Variants in MVD observed in about 807,000 individuals in gnomAD.
The protein encoded by MVD is mevalonate diphosphate decarboxylase, also known as diphosphomevalonate decarboxylase.
Under a neutral mutation model 42.4 loss-of-function variants are expected in MVD, and 52 were observed. The ratio of observed to expected loss-of-function variants is 1.23; its 90% CI spans 0.98 to 1.55. The LOEUF is 1.55. Ranked by LOEUF, MVD falls within the 40% of genes most tolerant of loss-of-function variation. The probability of loss-of-function intolerance (pLI) is 0.00; values close to 1 mark genes in which losing one functional copy is unlikely to be tolerated. For synonymous variants in MVD, 287 were observed against 243.2 expected (o/e 1.18, Z -1.68); for missense variants, 663 against 572.1 (o/e 1.16, Z -1.62).
intron 8 of MVD, 24 bp from the exon 9 acceptor site, chr16:88,653,432 G>T: frequency 6.4e-7 from 1 of 1,573,482 alleles, no homozygotes; most frequent in Non-Finnish European, 8.7e-7. Flanking sequence ...GCAGGGGCAC[G>T]GTGAATGCAT....
rs1299417665 is a variant in MVD at position 88,656,261 on chromosome 16, T to C, written c.447A>G (p.Ser149=). ...ARVYGVESDL[S]EVARRGSGSA... is the part of the protein sequence containing the mutation. ...TGCCTGAGCCCCGGCGAGCCACTTC[T>C]GAGAGGTCACTCTCCACGCCGTAGA... The change falls in exon 5 of 10, where the codon TCA becomes TCG. Residue 149 remains serine (S), a synonymous_variant. Transcript: ENST00000301012. 3 of 1,600,148 alleles carry C rather than the reference T, an allele frequency of 1.9e-6. No individual in the cohort carries two copies. In the Admixed American group the frequency reaches 5.0e-5, roughly 27 times the overall value.
intron 4 of MVD, chr16:88,657,109 T>A (rs1434430769): frequency 2.1e-6 from 1 of 478,090 alleles, no homozygotes; most frequent in Non-Finnish European, 3.8e-6. Flanking sequence ...AACGGGAAGA[T>A]TTTTTTATTT....
intron 5 of MVD, 123 bp downstream of exon 5, chr16:88,655,982 C>G: frequency 1.5e-6 from 2 of 1,336,764 alleles, no homozygotes; most frequent in Non-Finnish European, 2.0e-6. Context: ...GTTCCTTCAG[C>G]CCCCGCTGAC....
At position 88,658,819 on chromosome 16, in the gene MVD, C is replaced by T. The variant is rs548342516; in HGVS notation, c.71-99G>A. 55 of 850,544 alleles carry T rather than the reference C, an allele frequency of 6.5e-5. No individual in the cohort carries two copies. The East Asian group carries it at 1.4e-3, about 22-fold the overall frequency. 52.7% of individuals were successfully genotyped at this position (850,544 alleles called of 1,614,324 possible). A position where few individuals can be genotyped will look rare whatever the true frequency, so the allele number is the denominator to read the frequency against. On this transcript the variant is annotated intron_variant, in intron 1 of 9. Transcript: ENST00000301012. Reference sequence around the variant, plus strand: ...CCACCCCCCACCCACGGCCCCCATCCGCCTCAGTCCCGTCTCTCACCGCAC... The same window carrying T: ...CCACCCCCCACCCACGGCCCCCATCTGCCTCAGTCCCGTCTCTCACCGCAC...
chr16:88,662,813 G>C lies in MVD; in HGVS notation c.70+198C>G, dbSNP rs753335631. 13 of 1,469,468 alleles carry C rather than the reference G, an allele frequency of 8.8e-6. No homozygotes were observed. In the South Asian group the frequency reaches 1.3e-4, roughly 15 times the overall value. 91.0% of individuals were successfully genotyped at this position (1,469,468 alleles called of 1,614,324 possible). A position where few individuals can be genotyped will look rare whatever the true frequency, so the allele number is the denominator to read the frequency against. On this transcript the variant is annotated intron_variant, in intron 1 of 9. Coordinates refer to ENST00000301012, the MANE Select transcript of MVD (RefSeq NM_002461.3). The stretch of plus-strand genomic sequence containing the variant: ...GGGCGGCAGCCGTCGCGGGGGAACG[G>C]GTGGCGCCGAGCTTGTCACGCGAAG...
intron 3 of MVD, 120 bp downstream of exon 3, chr16:88,657,795 G>C: frequency 7.8e-7 from 1 of 1,288,166 alleles, no homozygotes; most frequent in South Asian, 1.3e-5. Flanking sequence ...CAGCGGGCAT[G>C]TCTGGTTCCC....
At chr16:88,658,363 A>G (rs1908075902) in intron 2 of MVD, among the ~76,000 whole-genome samples, 1 of 152,230 alleles carries the variant, frequency 6.6e-6, no homozygotes, top group African/African-American at 2.4e-5. Context: ...GAGATGGAAC[A>G]GACACTGCGT....
In MVD at chr16:88,658,712, G is replaced by T. The variant is rs200509037; in HGVS notation, c.79C>A (p.Arg27Ser). Residue 27 changes from arginine (R) to serine (S), a missense_variant, in exon 2 of 10, where the codon CGC (arginine) becomes AGC (serine). Physicochemically the swap from Arg to Ser is moderately radical, Grantham distance 110 (BLOSUM62 -1). Transcript: ENST00000301012. ...ATGGGCAGAACCAGCTCTTCATCGC[G>T]CTTGCCCCCTGTAATGAACAGCCAG... is the stretch of plus-strand genomic sequence containing the variant. ...NIAVIKYWGK[R>S]DEELVLPINS... 23 of 1,611,972 alleles carry T rather than the reference G, an allele frequency of 1.4e-5. No homozygotes were observed. Among genetic ancestry groups the T allele is most frequent in the Non-Finnish European group, 1.8e-5 (21 of 1,179,244 alleles).
rs1292198592 is a variant in MVD at position 88,656,305 on chromosome 16, C to T, written c.404-1G>A. 1 of 1,599,178 alleles carries T rather than the reference C, an allele frequency of 6.3e-7. No homozygotes were observed. The highest frequency in any genetic ancestry group is 8.5e-7 in the Non-Finnish European group (1 of 1,179,904). On this transcript the variant is annotated splice_acceptor_variant, in intron 4 of 9. Transcript: ENST00000301012. LOFTEE classifies it high-confidence loss of function. ...CCGTAGACACGGGCCAGGGTGTAGG[C>T]TGCAGGCATGCGGATTCAGGGAGGG...
At chr16:88,657,130 T>TGGGG in intron 4 of MVD, 1 of 460,342 alleles carries the variant, frequency 2.2e-6, no homozygotes, top group Non-Finnish European at 4.1e-6. Flanking sequence ...TTTGTAGAGA[T>TGGGG]GGGGGGGGGT....
chr16:88,655,998 G>A (rs1489050684), intron 5 of MVD, 107 bp downstream of exon 5: 4 of 1,430,696 alleles, frequency 2.8e-6, no homozygotes, highest in Non-Finnish European at 2.8e-6. Flanking sequence ...CTGACCCCAG[G>A]AGCCAAGCAA....
At chr16:88,659,986 AAAAAAG>A (rs928995057) in intron 1 of MVD, among the ~76,000 whole-genome samples, 8 of 151,758 alleles carry the variant, frequency 5.3e-5, no homozygotes, top group African/African-American at 1.5e-4. Flanking sequence ...CAAAAAAAAA[AAAAAAG>A]AAAAGAAAAA....
In MVD at chr16:88,655,265, G is replaced by T. The variant is rs746283663; in HGVS notation, c.831C>A (p.Leu277=). The T allele has an allele frequency of 3.1e-6, 5 of 1,590,510 alleles. No individual in the cohort carries two copies. In the South Asian group the frequency reaches 5.7e-5, roughly 18 times the overall value. The part of the protein sequence containing the change: ...CLDTFPPISY[L]NAISWRIIHL... The stretch of plus-strand genomic sequence containing the variant: ...GGATGATGCGCCAGGAGATGGCATT[G>T]AGGTAAGAGATGGGCGGGAAGGTGT... Residue 277 remains leucine, a synonymous_variant, in exon 7 of 10, where the codon CTC becomes CTA. Coordinates refer to ENST00000301012, the MANE Select transcript of MVD (RefSeq NM_002461.3).
intron 1 of MVD, 59 bp downstream of exon 1, chr16:88,662,952 C>G (rs1908406793): frequency 6.4e-6 from 10 of 1,558,750 alleles, no homozygotes; most frequent in African/African-American, 1.4e-5. Context: ...GCGCGCGACC[C>G]CCGCGTACCC....
chr16:88,653,983 C>T (rs1449704562), intron 8 of MVD, among the ~76,000 whole-genome samples: 1 of 152,088 alleles, frequency 6.6e-6, no homozygotes, highest in East Asian at 1.9e-4. Context: ...CTTCCAGACA[C>T]CCTTAAATGG....
chr16:88,654,148 G>C (rs1170373858), intron 8 of MVD, among the ~76,000 whole-genome samples: 1 of 149,962 alleles, frequency 6.7e-6, no homozygotes, highest in Non-Finnish European at 1.5e-5. Context: ...CAGGGGAAGA[G>C]GCGGTTCAGG....
rs1342496975 is a variant in MVD at position 88,652,411 on chromosome 16, G to A, written c.*114C>T. On this transcript the variant is annotated 3_prime_UTR_variant, in exon 10 of 10. Coordinates refer to ENST00000301012, the MANE Select transcript of MVD (RefSeq NM_002461.3). The stretch of plus-strand genomic sequence containing the variant: ...CCCACAGCAAGCTGCCCATGGGCCC[G>A]GGGTCAAGCCACCACCCACATGTCC... The A allele has an allele frequency of 2.3e-5, 28 of 1,204,472 alleles. No homozygotes were observed. Among genetic ancestry groups the A allele is most frequent in the African/African-American group, 4.5e-5 (3 of 66,294 alleles). The allele number at this position is 1,204,472 out of a possible 1,614,324, so 74.6% of individuals were successfully genotyped here.
rs556491027 is a variant in MVD at position 88,653,526 on chromosome 16, G to C, written c.1014-118C>G. 2.2e-4 allele frequency: 180 copies of C among 821,942 alleles called. No individual in the cohort carries two copies. In the African/African-American group the frequency reaches 3.0e-3, roughly 14 times the overall value. 50.9% of individuals were successfully genotyped at this position (821,942 alleles called of 1,614,324 possible). On this transcript the variant is annotated intron_variant, in intron 8 of 9. Transcript: ENST00000301012. ...ATTCCTGGCCGTCAGGGCTCAGGGAGGGGGAGACGGCAGGTGGCTGCTGTG... is the reference window on the plus strand; with the variant it reads ...ATTCCTGGCCGTCAGGGCTCAGGGACGGGGAGACGGCAGGTGGCTGCTGTG...
At chr16:88,655,575 C>T in intron 6 of MVD, 81 bp downstream of exon 6, 7 of 1,524,276 alleles carry the variant, frequency 4.6e-6, no homozygotes, top group East Asian at 2.4e-5. Context: ...TGAGAACACT[C>T]GGGCCCAGAC....
Sources: gnomAD v4.1 joint callset for allele counts (sites outside exome capture counted in the v4.1 genomes callset) on GRCh38, gnomAD v4.1.1 for gene constraint, MANE v1.5 for transcripts, NCBI Gene and HGNC (gene_info 2026-07-23, HGNC 2026-07-21) for gene names.